Variants in UTY observed in about 807,000 individuals in gnomAD.
UTY encodes the protein histone demethylase UTY.
UTY carries 12 observed loss-of-function variants against 32.5 expected under a neutral mutation model. The ratio of observed to expected loss-of-function variants is 0.37; its 90% CI spans 0.24 to 0.60. UTY has a LOEUF of 0.60. Among genes scored for constraint, UTY ranks in the 20% least tolerant of loss-of-function variants. The pLI is 0.69. For missense variants in UTY, 303 were observed against 299.2 expected (o/e 1.01, Z -0.09); for synonymous variants, 131 against 103.4 (o/e 1.27, Z -1.62).
chrY:13,416,743 A>G (rs2071717507), intron 4 of UTY, among the ~76,000 whole-genome samples: 2 of 33,977 alleles, frequency 5.9e-5, no homozygotes, highest in Non-Finnish European at 1.5e-4. Flanking sequence ...TTTAGTCTTT[A>G]TTGATATAAA....
At chrY:13,272,818 C>A (rs1603285453) in intron 27 of UTY, among the ~76,000 whole-genome samples, 3 of 33,363 alleles carry the variant, frequency 9.0e-5, no homozygotes, top group African/African-American at 3.5e-4. Context: ...ACTGCTGTGA[C>A]CTATACCTTC....
intron 3 of UTY, among the ~76,000 whole-genome samples, chrY:13,461,487 C>T: frequency 3.0e-5 from 1 of 33,165 alleles, no homozygotes; most frequent in Non-Finnish European, 7.4e-5. Flanking sequence ...GTGTGTATTC[C>T]TCGCTTCCAT....
At position 13,350,012 on chromosome Y, in the gene UTY, C is replaced by T; in HGVS notation, c.2061+4991G>A. Among the ~76,000 whole-genome samples, 3 of 33,218 alleles carry T rather than the reference C, an allele frequency of 9.0e-5. No homozygotes were observed. In the East Asian group the frequency reaches 2.4e-3, roughly 26 times the overall value. 89.1% of individuals were successfully genotyped at this position (33,218 alleles called of 37,273 possible). On this transcript the variant is annotated intron_variant, in intron 17 of 29. Coordinates refer to ENST00000545955, the MANE Select transcript of UTY (RefSeq NM_001258249.2). Reference sequence around the variant, plus strand: ...CTCATGAGTGAGATTAGTGTCCTTACAAAAGAGGCCTGAGAGACACTCCTT... The same window carrying T: ...CTCATGAGTGAGATTAGTGTCCTTATAAAAGAGGCCTGAGAGACACTCCTT...
intron 21 of UTY, among the ~76,000 whole-genome samples, chrY:13,318,660 A>G (rs2059650455): frequency 3.0e-5 from 1 of 33,192 alleles, no homozygotes; most frequent in Non-Finnish European, 7.4e-5. Flanking sequence ...GAGATTTTTA[A>G]CTCAAAGTTC....
chrY:13,361,474 A>G, intron 10 of UTY, among the ~76,000 whole-genome samples: 1 of 33,093 alleles, frequency 3.0e-5, no homozygotes, highest in African/African-American at 1.2e-4. Context: ...CAAGACAGAA[A>G]AAGATGGGGA....
chrY:13,302,918 T>A lies in UTY; in HGVS notation c.3639A>T (p.Val1213=). The A allele has an allele frequency of 2.5e-6, 1 of 395,748 alleles. No homozygotes were observed. Among genetic ancestry groups the A allele is most frequent in the Non-Finnish European group, 3.6e-6 (1 of 281,048 alleles). The part of the protein sequence containing the change: ...IGPGDCEWFV[V]PEDYWGVLND... ...TCAGAACACCCCAATAATCTTCAGG[T>A]ACAACAAACCATTCACAATCTCCTG... is the stretch of plus-strand genomic sequence containing the variant. Residue 1213 remains valine, a synonymous_variant, in exon 25 of 30, where the codon GTA becomes GTT. Coordinates refer to ENST00000545955, the MANE Select transcript of UTY (RefSeq NM_001258249.2).
chrY:13,459,734 T>C, intron 3 of UTY, among the ~76,000 whole-genome samples: 1 of 33,577 alleles, frequency 3.0e-5, no homozygotes, highest in South Asian at 6.4e-4. Flanking sequence ...TAAACCAAAA[T>C]TCACGCACTC....
chrY:13,302,410 C>T (rs2058424982), intron 25 of UTY, among the ~76,000 whole-genome samples: 1 of 33,860 alleles, frequency 3.0e-5, no homozygotes, highest in Non-Finnish European at 7.3e-5. Context: ...CCTATTACCA[C>T]GGCAGAGACT....
At chrY:13,469,574 C>CA in intron 3 of UTY, among the ~76,000 whole-genome samples, 2 of 33,034 alleles carry the variant, frequency 6.1e-5, no homozygotes, top group East Asian at 1.6e-3. Context: ...ATAGAAGGCT[C>CA]AAACTCAAGA....
chrY:13,389,387 GCC>G (rs2067269282), intron 8 of UTY, among the ~76,000 whole-genome samples: 1 of 33,083 alleles, frequency 3.0e-5, no homozygotes, highest in Non-Finnish European at 7.4e-5. Context: ...TGTCTTTAGT[GCC>G]ACATCCAGAA....
chrY:13,377,759 T>C (rs2065550590), intron 8 of UTY, among the ~76,000 whole-genome samples: 1 of 32,971 alleles, frequency 3.0e-5, no homozygotes, highest in Non-Finnish European at 7.5e-5. Flanking sequence ...ATGGGATAAA[T>C]CCAAAAATAT....
rs777864731 is a variant in UTY at position 13,473,807 on chromosome Y, A to C, written c.217-3578T>G. Among the ~76,000 whole-genome samples the C allele has an allele frequency of 4.7e-4, 16 of 33,986 alleles. No individual in the cohort carries two copies. The East Asian group carries it at 6.8e-3, about 15-fold the overall frequency. The allele number at this position is 33,986 out of a possible 37,273, so 91.2% of individuals were successfully genotyped here. On this transcript the variant is annotated intron_variant, in intron 2 of 29. Coordinates refer to ENST00000545955, the MANE Select transcript of UTY (RefSeq NM_001258249.2). ...CAAATATAGTAACCTATAATATTAT[A>C]ATGCAGATGAAAAAATAATGAATAA...
intron 17 of UTY, among the ~76,000 whole-genome samples, chrY:13,336,576 A>G: frequency 3.0e-5 from 1 of 33,334 alleles, no homozygotes; most frequent in Non-Finnish European, 7.4e-5. Context: ...TATGTGAACA[A>G]TTTTCTTCAC....
chrY:13,312,034 C>CA (rs2059130264), intron 21 of UTY, among the ~76,000 whole-genome samples: 4 of 33,412 alleles, frequency 1.2e-4, no homozygotes, highest in African/African-American at 4.7e-4. Flanking sequence ...AATCAACAAG[C>CA]AAAAAACAAA....
chrY:13,328,811 C>A, intron 18 of UTY, among the ~76,000 whole-genome samples: 1 of 32,958 alleles, frequency 3.0e-5, no homozygotes. Context: ...AAGGTAAAGT[C>A]CTTTTACCTT....
At chrY:13,271,777 A>C in intron 27 of UTY, among the ~76,000 whole-genome samples, 2 of 34,076 alleles carry the variant, frequency 5.9e-5, no homozygotes, top group East Asian at 1.5e-3. Flanking sequence ...AATTTAAGGT[A>C]TCTCATCAGC....
intron 27 of UTY, among the ~76,000 whole-genome samples, chrY:13,268,115 G>A (rs545451481): frequency 1.5e-4 from 5 of 32,884 alleles, no homozygotes; most frequent in African/African-American, 5.9e-4. Flanking sequence ...ATCCTGGAGA[G>A]TGTTTTACAA....
chrY:13,269,827 G>A, intron 27 of UTY, among the ~76,000 whole-genome samples: 1 of 33,641 alleles, frequency 3.0e-5, no homozygotes, highest in Non-Finnish European at 7.4e-5. Flanking sequence ...ACCCCTTCCC[G>A]GATGAGGCAA....
intron 24 of UTY, 70 bp from the exon 25 acceptor site, chrY:13,303,061 A>T: frequency 5.2e-6 from 1 of 191,652 alleles, no homozygotes; most frequent in Non-Finnish European, 9.1e-6. Flanking sequence ...CCTTTAAATT[A>T]CTGGATAGTT....
Sources: allele counts gnomAD v4.1 joint callset (sites outside exome capture counted in the v4.1 genomes callset), GRCh38; gene constraint gnomAD v4.1.1; transcripts MANE v1.5; gene names NCBI Gene and HGNC (gene_info 2026-07-23, HGNC 2026-07-21).